ADAMTS17: variants seen among roughly 807,000 people sequenced by gnomAD.
The protein encoded by ADAMTS17 is ADAM metallopeptidase with thrombospondin type 1 motif 17.
ADAMTS17 carries 113 observed loss-of-function variants against 141.5 expected under a neutral mutation model. The ratio of observed to expected loss-of-function variants is 0.80; its 90% CI spans 0.69 to 0.93. The LOEUF (loss-of-function observed/expected upper bound fraction) is 0.93, where lower values mean the gene tolerates loss of function less well. Ranked by LOEUF, ADAMTS17 falls within the 40% of genes least tolerant of loss-of-function variation. The probability of loss-of-function intolerance (pLI) is 0.00; values close to 1 mark genes in which losing one functional copy is unlikely to be tolerated. For missense variants in ADAMTS17, 1,659 were observed against 1,517.9 expected (o/e 1.09, Z -1.54); for synonymous variants, 768 against 630.6 (o/e 1.22, Z -3.27).
At chr15:100,220,710 T>G (rs986127233) in intron 7 of ADAMTS17, among the ~76,000 whole-genome samples, 1 of 152,210 alleles carries the variant, frequency 6.6e-6, no homozygotes. Flanking sequence ...CCCACTAATC[T>G]ACTTTGTCTC....
intron 18 of ADAMTS17, among the ~76,000 whole-genome samples, chr15:100,017,183 C>A (rs1009583475): frequency 1.3e-5 from 2 of 152,178 alleles, no homozygotes; most frequent in Non-Finnish European, 2.9e-5. Flanking sequence ...CCAGCTCCCA[C>A]GCAATCCAAA....
chr15:100,153,308 T>C (rs28538685), intron 9 of ADAMTS17, among the ~76,000 whole-genome samples: 23,926 of 151,974 alleles, frequency 0.16, 6,353 homozygotes, highest in African/African-American at 0.54. Context: ...TCAACTGGGG[T>C]GGGAGCATTC....
chr15:100,078,344 T>G (rs2034517986), intron 15 of ADAMTS17, among the ~76,000 whole-genome samples: 1 of 152,168 alleles, frequency 6.6e-6, no homozygotes, highest in South Asian at 2.1e-4. Flanking sequence ...TCCAAAACTT[T>G]CTAGCTATCT....
At chr15:100,286,735 C>A (rs921097532) in intron 3 of ADAMTS17, among the ~76,000 whole-genome samples, 3 of 152,126 alleles carry the variant, frequency 2.0e-5, no homozygotes, top group Non-Finnish European at 4.4e-5. Context: ...TATAAACACA[C>A]TGGCAACTCA....
chr15:100,102,389 C>T (rs892304712), intron 14 of ADAMTS17, among the ~76,000 whole-genome samples: 10 of 116,302 alleles, frequency 8.6e-5, no homozygotes, highest in African/African-American at 2.4e-4. Context: ...ATTTGAGGGC[C>T]GACCGAAGGG....
intron 15 of ADAMTS17, among the ~76,000 whole-genome samples, chr15:100,091,212 C>A (rs776972515): frequency 1.5e-4 from 23 of 151,670 alleles, no homozygotes; most frequent in Non-Finnish European, 2.9e-4. Context: ...TCCCAAAGCA[C>A]CCTGGCGTCT....
At chr15:100,222,292 T>C (rs2042158454) in intron 7 of ADAMTS17, among the ~76,000 whole-genome samples, 1 of 152,200 alleles carries the variant, frequency 6.6e-6, no homozygotes, top group African/African-American at 2.4e-5. Flanking sequence ...AGTCCTGGCA[T>C]CCGGCTGTGG....
At chr15:100,144,482 G>A (rs897757513) in intron 10 of ADAMTS17, among the ~76,000 whole-genome samples, 1 of 151,950 alleles carries the variant, frequency 6.6e-6, no homozygotes, top group African/African-American at 2.4e-5. Flanking sequence ...TCTGGGAGGC[G>A]GATATCGCAG....
At chr15:100,047,052 C>G (rs912967193) in intron 18 of ADAMTS17, among the ~76,000 whole-genome samples, 1 of 151,944 alleles carries the variant, frequency 6.6e-6, no homozygotes, top group African/African-American at 2.4e-5. Flanking sequence ...AGAGAATGAG[C>G]CCCTGAGGGT....
intron 17 of ADAMTS17, among the ~76,000 whole-genome samples, chr15:100,049,572 T>C (rs906107003): frequency 6.6e-6 from 1 of 152,218 alleles, no homozygotes; most frequent in Admixed American, 6.5e-5. Context: ...GCTTTGCTAA[T>C]TCATTATCCC....
At chr15:100,014,434 C>T (rs2141417564) in intron 18 of ADAMTS17, among the ~76,000 whole-genome samples, 1 of 151,998 alleles carries the variant, frequency 6.6e-6, no homozygotes, top group South Asian at 2.1e-4. Flanking sequence ...TTCTCTAGTT[C>T]CTTGAGGTGT....
chr15:100,041,431 G>A (rs576488299), intron 18 of ADAMTS17, among the ~76,000 whole-genome samples: 4 of 152,330 alleles, frequency 2.6e-5, no homozygotes, highest in Admixed American at 6.5e-5. Flanking sequence ...TCTGTGCTCC[G>A]GGACGTGTCC....
At chr15:100,133,373 G>A in intron 10 of ADAMTS17, 58 bp from the exon 11 acceptor site, 1 of 1,513,758 alleles carries the variant, frequency 6.6e-7, no homozygotes, top group South Asian at 1.2e-5. Context: ...ACAGGTCACA[G>A]CTGGGGTCAG....
intron 3 of ADAMTS17, among the ~76,000 whole-genome samples, chr15:100,284,679 T>C (rs536615860): frequency 7.9e-4 from 120 of 152,228 alleles, no homozygotes; most frequent in Non-Finnish European, 1.5e-3. Flanking sequence ...GCATCATTTT[T>C]GATGGTCATT....
chr15:100,215,395 C>G (rs978743865), intron 7 of ADAMTS17, among the ~76,000 whole-genome samples: 4 of 152,308 alleles, frequency 2.6e-5, no homozygotes, highest in East Asian at 3.9e-4. Context: ...TAGCTCCAGC[C>G]TTGTAACTGT....
chr15:100,183,515 A>C (rs2040598061), intron 8 of ADAMTS17, among the ~76,000 whole-genome samples: 2 of 152,112 alleles, frequency 1.3e-5, no homozygotes, highest in Non-Finnish European at 2.9e-5. Flanking sequence ...GTAAAATTTC[A>C]ATTTCTTTGA....
chr15:100,159,931 A>G (rs1444108054), intron 8 of ADAMTS17, among the ~76,000 whole-genome samples: 2 of 152,234 alleles, frequency 1.3e-5, no homozygotes, highest in Non-Finnish European at 2.9e-5. Flanking sequence ...TCAGGAAGCC[A>G]CAGGGTCTGG....
chr15:100,158,561 C>T (rs139091529), intron 8 of ADAMTS17, among the ~76,000 whole-genome samples: 117 of 152,262 alleles, frequency 7.7e-4, no homozygotes, highest in African/African-American at 2.2e-3. Context: ...TCCACTGAAA[C>T]TCGATGCTTA....
intron 8 of ADAMTS17, among the ~76,000 whole-genome samples, chr15:100,195,366 G>GC (rs2041072182): frequency 6.6e-6 from 1 of 152,194 alleles, no homozygotes; most frequent in Non-Finnish European, 1.5e-5. Flanking sequence ...CACAGCTTCA[G>GC]CTCAGTGGTT....
Sources: allele counts gnomAD v4.1 joint callset (sites outside exome capture counted in the v4.1 genomes callset), GRCh38; gene constraint gnomAD v4.1.1; transcripts MANE v1.5; gene names NCBI Gene and HGNC (gene_info 2026-07-23, HGNC 2026-07-21).